CSRNP3: variants seen among roughly 807,000 people sequenced by gnomAD.
CSRNP3 encodes cysteine/serine-rich nuclear protein 3.
Under a neutral mutation model 48.0 loss-of-function variants are expected in CSRNP3, and 12 were observed. The ratio of observed to expected loss-of-function variants is 0.25; its 90% CI spans 0.16 to 0.41. CSRNP3 has a LOEUF of 0.41. CSRNP3 is among the 10% of genes least tolerant of loss of function. The probability of loss-of-function intolerance (pLI) is 1.00; values close to 1 mark genes in which losing one functional copy is unlikely to be tolerated. For missense variants in CSRNP3, 580 were observed against 724.4 expected, an observed-to-expected ratio of 0.80 and a Z score of 2.29; for synonymous variants, 263 against 269.7, an observed-to-expected ratio of 0.98 and a Z score of 0.24.
At chr2:165,521,546 C>A (rs533794816) in intron 3 of CSRNP3, among the ~76,000 whole-genome samples, 1 of 152,156 alleles carries the variant, frequency 6.6e-6, no homozygotes, top group Non-Finnish European at 1.5e-5. Flanking sequence ...AAACCAACAC[C>A]CACATGAATT....
intron 2 of CSRNP3, among the ~76,000 whole-genome samples, chr2:165,509,696 T>C (rs1287170267): frequency 6.6e-6 from 1 of 152,194 alleles, no homozygotes; most frequent in Non-Finnish European, 1.5e-5. Context: ...TCCCCCAGTG[T>C]TAACCTCTTA....
chr2:165,486,004 G>C lies in CSRNP3; in HGVS notation c.-282-8755G>C, dbSNP rs371671587. 7.9e-5 allele frequency among the ~76,000 whole-genome samples: 12 copies of C among 151,962 alleles called. No homozygotes were observed. The East Asian group carries it at 9.7e-4, about 12-fold the overall frequency. ...TCCCAGCGTGAGCGACGCAGAAGAC[G>C]GGTGATTTCTGCATTTCCATCTGAG... On this transcript the variant is annotated intron_variant, in intron 1 of 6. Transcript: ENST00000651982.
At chr2:165,557,340 C>T (rs1481418859) in intron 3 of CSRNP3, among the ~76,000 whole-genome samples, 1 of 152,184 alleles carries the variant, frequency 6.6e-6, no homozygotes, top group African/African-American at 2.4e-5. Flanking sequence ...TGACGGCAAC[C>T]ATATGTTTTG....
intron 5 of CSRNP3, among the ~76,000 whole-genome samples, chr2:165,663,473 G>A (rs1248871191): frequency 1.3e-5 from 2 of 152,144 alleles, no homozygotes; most frequent in African/African-American, 2.4e-5. Flanking sequence ...AACCTATTTT[G>A]ACAGAAAATA....
intron 1 of CSRNP3, among the ~76,000 whole-genome samples, chr2:165,492,724 TA>T (rs11304265): frequency 0.56 from 61,389 of 110,274 alleles, 15,232 homozygotes; most frequent in African/African-American, 0.64. Flanking sequence ...ACTATTAGAG[TA>T]AAAAAAAAAA....
At chr2:165,616,272 A>G (rs569394547) in intron 4 of CSRNP3, among the ~76,000 whole-genome samples, 4 of 151,852 alleles carry the variant, frequency 2.6e-5, no homozygotes, top group Admixed American at 6.6e-5. Context: ...CTTATTGTAC[A>G]TATTTGTGTT....
chr2:165,603,045 G>A (rs760368613), intron 4 of CSRNP3, among the ~76,000 whole-genome samples: 1 of 152,034 alleles, frequency 6.6e-6, no homozygotes, highest in Non-Finnish European at 1.5e-5. Context: ...ACAGGCACCT[G>A]CCATCGTGCC....
intron 4 of CSRNP3, among the ~76,000 whole-genome samples, chr2:165,622,223 G>T (rs1686352475): frequency 6.6e-6 from 1 of 152,074 alleles, no homozygotes. Context: ...TTTCATAAAT[G>T]TATTGTTCAT....
intron 3 of CSRNP3, among the ~76,000 whole-genome samples, chr2:165,573,406 C>G (rs1685401755): frequency 6.6e-6 from 1 of 152,096 alleles, no homozygotes. Flanking sequence ...TAGAAAATAA[C>G]CACTTCTTCC....
intron 4 of CSRNP3, among the ~76,000 whole-genome samples, chr2:165,596,829 G>C (rs1272123134): frequency 3.9e-5 from 6 of 152,182 alleles, no homozygotes; most frequent in Non-Finnish European, 8.8e-5. Flanking sequence ...AAAATGTCAA[G>C]TACTAGGCAC....
rs187643372 is a variant in CSRNP3 at position 165,688,989 on chromosome 2, C to T, written c.*9236C>T. ...AGTTGAAAAGGAGGAAAATCAACTC[C>T]AGTCCACACATACAGTCATGTTACA... On this transcript the variant is annotated 3_prime_UTR_variant, in exon 7 of 7. Coordinates refer to ENST00000651982, the MANE Select transcript of CSRNP3 (RefSeq NM_001172173.2). 1 of 152,124 alleles carries T rather than the reference C, an allele frequency of 6.6e-6. No individual in the cohort carries two copies. Among genetic ancestry groups the T allele is most frequent in the East Asian group, 1.9e-4 (1 of 5,186 alleles). 9.4% of individuals were successfully genotyped at this position (152,124 alleles called of 1,614,324 possible).
intron 4 of CSRNP3, among the ~76,000 whole-genome samples, chr2:165,619,163 C>G (rs888870367): frequency 6.6e-6 from 1 of 152,206 alleles, no homozygotes; most frequent in South Asian, 2.1e-4. Flanking sequence ...AACAGTTAAA[C>G]TAAAGCTAAA....
intron 4 of CSRNP3, among the ~76,000 whole-genome samples, chr2:165,603,391 A>G (rs1244558110): frequency 1.3e-5 from 2 of 151,668 alleles, no homozygotes; most frequent in African/African-American, 4.9e-5. Context: ...TTTTACCACC[A>G]CTCCATTTAG....
intron 3 of CSRNP3, among the ~76,000 whole-genome samples, chr2:165,527,053 T>C (rs1441453112): frequency 6.6e-6 from 1 of 152,156 alleles, no homozygotes. Context: ...AATAAATTAT[T>C]AAATAGCTAT....
intron 4 of CSRNP3, among the ~76,000 whole-genome samples, chr2:165,611,400 T>G (rs1233765074): frequency 1.3e-5 from 2 of 148,296 alleles, no homozygotes; most frequent in Non-Finnish European, 3.0e-5. Context: ...CATATATATA[T>G]GTATATACTT....
At chr2:165,518,854 G>T (rs978774619) in intron 3 of CSRNP3, among the ~76,000 whole-genome samples, 1 of 151,930 alleles carries the variant, frequency 6.6e-6, no homozygotes, top group Non-Finnish European at 1.5e-5. Context: ...TAAACACTTT[G>T]GTTCTTTCTA....
At chr2:165,622,259 G>A (rs1204510665) in intron 4 of CSRNP3, among the ~76,000 whole-genome samples, 2 of 152,040 alleles carry the variant, frequency 1.3e-5, no homozygotes, top group African/African-American at 2.4e-5. Flanking sequence ...CCAATTCTCT[G>A]TAATTTTCGT....
intron 3 of CSRNP3, among the ~76,000 whole-genome samples, chr2:165,521,582 C>G (rs753345777): frequency 3.3e-5 from 5 of 152,196 alleles, no homozygotes; most frequent in Non-Finnish European, 7.3e-5. Flanking sequence ...TGCCCATGCT[C>G]TAGGTGGCTC....
At chr2:165,481,308 T>C (rs79891548) in intron 1 of CSRNP3, among the ~76,000 whole-genome samples, 9,487 of 152,260 alleles carry the variant, frequency 0.062, 443 homozygotes, top group East Asian at 0.23. Context: ...ATACGGTCAC[T>C]TAATGAGGGA....
Sources: gnomAD v4.1 joint callset for allele counts (sites outside exome capture counted in the v4.1 genomes callset) on GRCh38, gnomAD v4.1.1 for gene constraint, MANE v1.5 for transcripts, NCBI Gene and HGNC (gene_info 2026-07-23, HGNC 2026-07-21) for gene names.